Variants in PPIL4 observed in about 807,000 individuals in gnomAD.
The protein encoded by PPIL4 is peptidyl-prolyl cis-trans isomerase-like 4.
Under a neutral mutation model 69.1 loss-of-function variants are expected in PPIL4, and 50 were observed. The ratio of observed to expected loss-of-function variants is 0.72; its 90% confidence interval spans 0.58 to 0.92. The LOEUF (loss-of-function observed/expected upper bound fraction) is 0.92. Among genes scored for constraint, PPIL4 ranks in the 40% least tolerant of loss-of-function variants. PPIL4 has a pLI of 0.00. For synonymous variants in PPIL4, 193 were observed against 191.6 expected (o/e 1.01, Z -0.06); for missense variants, 480 against 587.9 (o/e 0.82, Z 1.90).
intron 12 of PPIL4, among the ~76,000 whole-genome samples, chr6:149,506,061 C>T (rs1000800046): frequency 1.3e-5 from 2 of 152,174 alleles, no homozygotes; most frequent in African/African-American, 2.4e-5. Context: ...CTTCACTCCC[C>T]CAAAACGTGG....
intron 7 of PPIL4, among the ~76,000 whole-genome samples, chr6:149,529,746 G>C (rs561699576): frequency 7.7e-6 from 1 of 130,152 alleles, no homozygotes; most frequent in African/African-American, 2.9e-5. Flanking sequence ...CTGACGACAA[G>C]AGCGAGACTC....
At chr6:149,540,142 T>C (rs545530565) in intron 4 of PPIL4, among the ~76,000 whole-genome samples, 79 of 151,598 alleles carry the variant, frequency 5.2e-4, no homozygotes, top group Non-Finnish European at 9.9e-4. Flanking sequence ...ATAAATAAAA[T>C]AAAATAAAAT....
chr6:149,512,036 G>C, intron 12 of PPIL4, 119 bp downstream of exon 12: 1 of 733,306 alleles, frequency 1.4e-6, no homozygotes, highest in Non-Finnish European at 2.1e-6. Context: ...TGCTTCTTAG[G>C]AACAAACCCA....
intron 7 of PPIL4, among the ~76,000 whole-genome samples, chr6:149,532,308 T>C (rs1332661880): frequency 6.6e-6 from 1 of 152,254 alleles, no homozygotes; most frequent in Non-Finnish European, 1.5e-5. Context: ...TTAAAAAGTA[T>C]GTTAATCTAT....
In PPIL4 at chr6:149,505,265, GTA is replaced by G; in HGVS notation, c.*186_*187del. 2.1e-6 allele frequency: 1 copy of G among 480,716 alleles called. No homozygotes were observed. The allele number at this position is 480,716 out of a possible 1,614,324, so 29.8% of individuals were successfully genotyped here. On this transcript the variant is annotated 3_prime_UTR_variant, in exon 13 of 13. Transcript: ENST00000253329. ...ATAACAATAAAATTAGTGTAAAAAAGTATACAAAGAAAATGTTCAATTCTTTA... is the reference window on the plus strand; with the variant it reads ...ATAACAATAAAATTAGTGTAAAAAAGTACAAAGAAAATGTTCAATTCTTTA...
chr6:149,541,015 A>G lies in PPIL4; in HGVS notation c.248T>C (p.Val83Ala). The G allele has an allele frequency of 6.2e-7, 1 of 1,612,520 alleles. No homozygotes were observed. Among genetic ancestry groups the G allele is most frequent in the Non-Finnish European group, 8.5e-7 (1 of 1,179,020 alleles). The change falls in exon 4 of 13, where the codon GTC (valine) becomes GCC (alanine). Residue 83 changes from valine (V) to alanine (A), a missense_variant. Coordinates refer to ENST00000253329, the MANE Select transcript of PPIL4 (RefSeq NM_139126.4). ...TTTCTTCTTGTGCTTAATTCTTGGG[A>G]CTTTTTCTGCCTCAAAAAAGCTTGC... Reference protein sequence around the residue: ...DQASFFEAEKVPRIKHKKKGT... With the variant: ...DQASFFEAEKAPRIKHKKKGT...
chr6:149,533,667 A>G, intron 6 of PPIL4, 93 bp from the exon 7 acceptor site: 1 of 690,324 alleles, frequency 1.4e-6, no homozygotes, highest in African/African-American at 1.8e-5. Context: ...TATATCAAAC[A>G]TGCTAAAACA....
chr6:149,521,216 G>T (rs1293152748), intron 9 of PPIL4, 45 bp from the exon 10 acceptor site: 1 of 1,134,000 alleles, frequency 8.8e-7, no homozygotes, highest in Admixed American at 2.1e-5. Flanking sequence ...TTATGGAAAA[G>T]ATTTCTGTAG....
chr6:149,521,114 TTC>T lies in PPIL4; in HGVS notation c.926_927del (p.Arg309LysfsTer7), dbSNP rs1303263126. 2 of 1,608,842 alleles carry T rather than the reference TTC, an allele frequency of 1.2e-6. No homozygotes were observed. Among genetic ancestry groups the T allele is most frequent in the African/African-American group, 1.3e-5 (1 of 74,750 alleles). On this transcript the variant is annotated frameshift_variant, in exon 10 of 13. Transcript: ENST00000253329. LOFTEE classifies it high-confidence loss of function. ...GACTGGCTAAAATCCACATGTATTC[TTC>T]TGTCATCTATAAGCACATTGTCCAT... ...FKMDNVLIDDRRIHVDFSQSV... is the reference protein window; with the variant it reads ...FKMDNVLIDDXRIHVDFSQSV...
chr6:149,534,731 G>A lies in PPIL4; in HGVS notation c.508C>T (p.Pro170Ser), dbSNP rs749838924. ...VILDDPFDDP[P>S]DLLIPDRSPE... ...GATCGATCAGGGATTAATAAATCAGGAGGGTCATCAAATGGATCATCTAAA... is the reference window on the plus strand; with the variant it reads ...GATCGATCAGGGATTAATAAATCAGAAGGGTCATCAAATGGATCATCTAAA... The change falls in exon 6 of 13, where the codon CCT becomes TCT. Residue 170 changes from proline (P) to serine (S), a missense_variant. Transcript: ENST00000253329. The A allele has an allele frequency of 2.5e-6, 4 of 1,599,280 alleles. No homozygotes were observed. The South Asian group carries it at 4.5e-5, about 18-fold the overall frequency.
intron 7 of PPIL4, among the ~76,000 whole-genome samples, chr6:149,529,580 G>T (rs1777160788): frequency 6.6e-6 from 1 of 151,512 alleles, no homozygotes; most frequent in Non-Finnish European, 1.5e-5. Context: ...GGCTAACACG[G>T]TGAAACCTCG....
intron 10 of PPIL4, among the ~76,000 whole-genome samples, chr6:149,519,373 T>A (rs1042607016): frequency 6.6e-6 from 1 of 152,226 alleles, no homozygotes; most frequent in African/African-American, 2.4e-5. Flanking sequence ...AAGAGCCACC[T>A]GGCATTACTA....
intron 1 of PPIL4, among the ~76,000 whole-genome samples, chr6:149,544,002 G>GT (rs1446393945): frequency 2.0e-5 from 3 of 152,208 alleles, no homozygotes; most frequent in Non-Finnish European, 2.9e-5. Context: ...AGGTACACAT[G>GT]TAAGCACATC....
Position 149,504,918 on chromosome 6 carries a change from C to T in PPIL4, c.*535G>A, listed in dbSNP as rs1297336408. ...TAGCAATAAAAATGAAAGAAAGTCA[C>T]AGAAGTAAACATTTTGCCATTTATA... is the stretch of plus-strand genomic sequence containing the variant. On this transcript the variant is annotated 3_prime_UTR_variant, in exon 13 of 13. Coordinates refer to ENST00000253329, the MANE Select transcript of PPIL4 (RefSeq NM_139126.4). 1.3e-5 allele frequency: 2 copies of T among 152,276 alleles called. No individual in the cohort carries two copies. Among genetic ancestry groups the T allele is most frequent in the Admixed American group, 6.5e-5 (1 of 15,280 alleles). The allele number at this position is 152,276 out of a possible 1,614,324, so 9.4% of individuals were successfully genotyped here.
intron 1 of PPIL4, among the ~76,000 whole-genome samples, chr6:149,543,169 G>A (rs975475250): frequency 6.6e-6 from 1 of 152,170 alleles, no homozygotes; most frequent in South Asian, 2.1e-4. Flanking sequence ...CAGACATCAA[G>A]TGCCTCCTGA....
At position 149,533,368 on chromosome 6, in the gene PPIL4, T is replaced by C. The variant is rs140407222; in HGVS notation, c.678+90A>G. On this transcript the variant is annotated intron_variant, in intron 7 of 12. Transcript: ENST00000253329. The stretch of plus-strand genomic sequence containing the variant: ...AAAAATCATAACTCAATTTTTAACA[T>C]TTTAAGACTACTGAAGAGCCAGAAA... 505 of 726,744 alleles carry C rather than the reference T, an allele frequency of 6.9e-4. 2 individuals are homozygous for C. The East Asian group carries it at 0.013, about 18-fold the overall frequency. 45.0% of individuals were successfully genotyped at this position (726,744 alleles called of 1,614,324 possible).
intron 12 of PPIL4, among the ~76,000 whole-genome samples, chr6:149,506,635 C>A (rs1162060711): frequency 1.3e-5 from 2 of 152,092 alleles, no homozygotes; most frequent in African/African-American, 2.4e-5. Context: ...TTGCTGTCTC[C>A]CAGGCAGGAA....
intron 11 of PPIL4, among the ~76,000 whole-genome samples, chr6:149,513,738 G>A (rs940925669): frequency 1.3e-5 from 2 of 152,094 alleles, no homozygotes; most frequent in Non-Finnish European, 2.9e-5. Context: ...TCTAGGTGAT[G>A]AAGCTACGAG....
intron 12 of PPIL4, 41 bp downstream of exon 12, chr6:149,512,114 A>G: frequency 6.8e-7 from 1 of 1,481,480 alleles, no homozygotes; most frequent in Non-Finnish European, 9.2e-7. Context: ...GAGGGATAAA[A>G]TATTTATTTC....
Sources: allele counts gnomAD v4.1 joint callset (sites outside exome capture counted in the v4.1 genomes callset), GRCh38; gene constraint gnomAD v4.1.1; transcripts MANE v1.5; gene names NCBI Gene and HGNC (gene_info 2026-07-23, HGNC 2026-07-21).